Variants in DCAF6 observed in about 807,000 individuals in gnomAD.
DCAF6 encodes the protein DDB1 and CUL4 associated factor 6, also known as DDB1- and CUL4-associated factor 6.
A neutral mutation model predicts 125.1 loss-of-function variants in DCAF6; 54 were observed. The observed-to-expected ratio is 0.43, with a 90% CI of 0.35 to 0.54. The LOEUF is 0.54. DCAF6 is among the 20% of genes least tolerant of loss of function. The pLI, the probability that DCAF6 is intolerant of heterozygous loss-of-function variation, is 0.01. For missense variants in DCAF6, 934 were observed against 1,161.7 expected (o/e 0.80, Z 2.85); for synonymous variants, 371 against 390.4 (o/e 0.95, Z 0.58).
intron 3 of DCAF6, among the ~76,000 whole-genome samples, chr1:167,973,854 CA>C (rs1677726277): frequency 6.6e-6 from 1 of 152,196 alleles, no homozygotes; most frequent in South Asian, 2.1e-4. Flanking sequence ...TAATCTTTGA[CA>C]TTTTTTTTGG....
intron 11 of DCAF6, among the ~76,000 whole-genome samples, chr1:168,017,804 A>G (rs927652377): frequency 2.0e-5 from 3 of 152,254 alleles, no homozygotes; most frequent in African/African-American, 4.8e-5. Context: ...CTAGATTTTA[A>G]TTTATTAATA....
chr1:167,922,389 T>G, the DCAF6 span, among the ~76,000 whole-genome samples: 1 of 152,226 alleles, frequency 6.6e-6, no homozygotes, highest in African/African-American at 2.4e-5. Flanking sequence ...TGTGGTAAAT[T>G]TGAGATCAAA....
the DCAF6 span, among the ~76,000 whole-genome samples, chr1:167,918,982 A>C: frequency 6.6e-6 from 1 of 152,208 alleles, no homozygotes; most frequent in African/African-American, 2.4e-5. Context: ...GGAATTCTAC[A>C]AGAACGTGAC....
At chr1:168,055,053 T>C (rs984086252) in intron 17 of DCAF6, among the ~76,000 whole-genome samples, 2 of 152,196 alleles carry the variant, frequency 1.3e-5, no homozygotes, top group South Asian at 2.1e-4. Context: ...TTCAGAATTA[T>C]AATGAGCATT....
intron 1 of DCAF6, among the ~76,000 whole-genome samples, chr1:167,946,657 T>C (rs1312867140): frequency 6.6e-6 from 1 of 152,244 alleles, no homozygotes; most frequent in Non-Finnish European, 1.5e-5. Context: ...ATTCTGTTGA[T>C]ATGATGTATC....
chr1:167,887,149 G>A, the DCAF6 span, among the ~76,000 whole-genome samples: 1 of 152,086 alleles, frequency 6.6e-6, no homozygotes, highest in South Asian at 2.1e-4. Flanking sequence ...GATTCCTCAA[G>A]GATCTAGAAC....
intron 11 of DCAF6, among the ~76,000 whole-genome samples, chr1:168,018,528 C>G (rs1021176004): frequency 6.6e-6 from 1 of 152,106 alleles, no homozygotes; most frequent in African/African-American, 2.4e-5. Flanking sequence ...TCCTCTGCTC[C>G]CTGAAGCCCA....
chr1:168,019,275 C>A (rs1028553592), intron 11 of DCAF6, among the ~76,000 whole-genome samples: 3 of 152,082 alleles, frequency 2.0e-5, no homozygotes, highest in African/African-American at 7.2e-5. Flanking sequence ...GTCTTGATCT[C>A]CTGACCTTGT....
chr1:167,943,733 G>C (rs1672622849), intron 1 of DCAF6, among the ~76,000 whole-genome samples: 1 of 152,114 alleles, frequency 6.6e-6, no homozygotes, highest in South Asian at 2.1e-4. Context: ...CGTTTGTTTA[G>C]AACACACTTA....
intron 6 of DCAF6, 60 bp from the exon 7 acceptor site, chr1:167,993,166 T>C: frequency 1.4e-6 from 2 of 1,416,454 alleles, no homozygotes; most frequent in Middle Eastern, 2.0e-4. Context: ...TTAAGAGTTT[T>C]AAAAAATGTT....
upstream of DCAF6, chr1:167,935,696 G>A (rs12032727): frequency 6.6e-7 from 1 of 1,506,598 alleles, no homozygotes; most frequent in African/African-American, 1.4e-5. Context: ...GAAGCGAGAA[G>A]GAAGGTCTCG....
chr1:167,955,141 G>A (rs560790144), intron 2 of DCAF6, among the ~76,000 whole-genome samples: 3 of 152,182 alleles, frequency 2.0e-5, no homozygotes, highest in Non-Finnish European at 4.4e-5. Context: ...AGCATTTATT[G>A]TATGGATAAA....
the DCAF6 span, chr1:167,899,743 C>G: frequency 2.1e-6 from 2 of 969,504 alleles, no homozygotes; most frequent in Non-Finnish European, 1.6e-6. Flanking sequence ...AGAGCAAAAT[C>G]TCACTTCTAA....
chr1:168,056,108 A>T, intron 17 of DCAF6: 1 of 1,594,590 alleles, frequency 6.3e-7, no homozygotes, highest in Non-Finnish European at 8.6e-7. Context: ...CAGCTTTCAC[A>T]CTTTCCAAAG....
At chr1:168,053,794 T>C (rs1049801322) in intron 17 of DCAF6, among the ~76,000 whole-genome samples, 2 of 152,164 alleles carry the variant, frequency 1.3e-5, no homozygotes, top group Admixed American at 1.3e-4. Context: ...CCACAAATCA[T>C]GTTATTTTTG....
At chr1:167,927,190 G>C in the DCAF6 span, among the ~76,000 whole-genome samples, 1 of 152,192 alleles carries the variant, frequency 6.6e-6, no homozygotes, top group Non-Finnish European at 1.5e-5. Context: ...GGAATTTGCT[G>C]TTTTCTCATC....
intron 21 of DCAF6, among the ~76,000 whole-genome samples, chr1:168,073,287 C>A (rs1008123136): frequency 4.6e-5 from 7 of 152,188 alleles, no homozygotes; most frequent in Non-Finnish European, 8.8e-5. Flanking sequence ...AATTGCCAAC[C>A]AGAGATTTGT....
At chr1:168,031,682 A>G (rs1432601442) in intron 12 of DCAF6, among the ~76,000 whole-genome samples, 1 of 152,078 alleles carries the variant, frequency 6.6e-6, no homozygotes, top group African/African-American at 2.4e-5. Context: ...AGTGTTATTT[A>G]TGATAGGCAG....
chr1:168,072,640 C>T (rs1378630399), intron 21 of DCAF6, among the ~76,000 whole-genome samples: 2 of 152,114 alleles, frequency 1.3e-5, no homozygotes, highest in East Asian at 3.9e-4. Flanking sequence ...TTAACAAATA[C>T]TGAGTATTCT....
Sources: allele counts gnomAD v4.1 joint callset (sites outside exome capture counted in the v4.1 genomes callset), GRCh38; gene constraint gnomAD v4.1.1; transcripts MANE v1.5; gene names NCBI Gene and HGNC (gene_info 2026-07-23, HGNC 2026-07-21).